The following PDE5A variants were observed in gnomAD, a reference collection of about 807,000 sequenced individuals.
The protein encoded by PDE5A is cGMP-specific 3',5'-cyclic phosphodiesterase.
PDE5A carries 67 observed loss-of-function variants against 110.2 expected under a neutral mutation model. The ratio of observed to expected loss-of-function variants is 0.61; its 90% CI spans 0.50 to 0.75. The LOEUF (loss-of-function observed/expected upper bound fraction) is 0.75. Among genes scored for constraint, PDE5A ranks in the 30% least tolerant of loss-of-function variants. PDE5A has a pLI of 0.00. For missense variants in PDE5A, 862 were observed against 1,045.1 expected, an observed-to-expected ratio of 0.82 and a Z score of 2.42; for synonymous variants, 328 against 351.2, an observed-to-expected ratio of 0.93 and a Z score of 0.74.
intron 1 of PDE5A, among the ~76,000 whole-genome samples, chr4:119,616,216 G>A (rs181913544): frequency 2.2e-3 from 341 of 152,236 alleles, no homozygotes; most frequent in African/African-American, 8.0e-3. Context: ...CACTAATGTC[G>A]ATATAACCTG....
intron 9 of PDE5A, among the ~76,000 whole-genome samples, chr4:119,544,406 G>A (rs918250729): frequency 2.0e-5 from 3 of 152,072 alleles, no homozygotes; most frequent in East Asian, 1.9e-4. Context: ...GGCAATCAGC[G>A]TTCATTATCT....
intron 17 of PDE5A, 137 bp downstream of exon 17, chr4:119,505,718 C>A: frequency 3.4e-6 from 2 of 591,514 alleles, no homozygotes; most frequent in East Asian, 3.3e-5. Context: ...TTGTACAACC[C>A]TCTGGAGAAA....
chr4:119,614,534 C>A (rs1729867905), intron 1 of PDE5A, among the ~76,000 whole-genome samples: 1 of 152,086 alleles, frequency 6.6e-6, no homozygotes, highest in East Asian at 1.9e-4. Flanking sequence ...TCAAATCGCT[C>A]ATTTTATCAT....
At chr4:119,510,182 T>G (rs909234501) in intron 15 of PDE5A, among the ~76,000 whole-genome samples, 4 of 151,960 alleles carry the variant, frequency 2.6e-5, no homozygotes, top group African/African-American at 9.7e-5. Context: ...CACATTTTTG[T>G]TTCTGAGTTG....
At position 119,497,948 on chromosome 4, in the gene PDE5A, G is replaced by A. The variant is rs542955909; in HGVS notation, c.*653C>T. The A allele has an allele frequency of 2.0e-5, 3 of 152,230 alleles. No individual in the cohort carries two copies. Among genetic ancestry groups the A allele is most frequent in the African/African-American group, 4.8e-5 (2 of 41,566 alleles). 9.4% of individuals were successfully genotyped at this position (152,230 alleles called of 1,614,324 possible). ...TTTTATGGGTAGCTTTCAGAAAAATGTACTGCACTGAAGTGACAAAGTTCT... is the reference window on the plus strand; with the variant it reads ...TTTTATGGGTAGCTTTCAGAAAAATATACTGCACTGAAGTGACAAAGTTCT... On this transcript the variant is annotated 3_prime_UTR_variant, in exon 21 of 21. Coordinates refer to ENST00000354960, the MANE Select transcript of PDE5A (RefSeq NM_001083.4).
chr4:119,603,506 TA>T (rs1174417544), intron 2 of PDE5A, among the ~76,000 whole-genome samples: 2 of 152,224 alleles, frequency 1.3e-5, no homozygotes, highest in African/African-American at 4.8e-5. Flanking sequence ...ATTTACCAAC[TA>T]ATCTTTTCAT....
At chr4:119,559,934 G>C (rs2110502828) in intron 7 of PDE5A, among the ~76,000 whole-genome samples, 1 of 152,218 alleles carries the variant, frequency 6.6e-6, no homozygotes, top group East Asian at 1.9e-4. Flanking sequence ...TTAAAGTCAG[G>C]TCTACCTTCT....
rs930080230 is a variant in PDE5A, at chr4:119,497,954, C to T, written c.*647G>A. 4.6e-5 allele frequency: 7 copies of T among 152,174 alleles called. No homozygotes were observed. The highest frequency in any genetic ancestry group is 1.7e-4 in the African/African-American group (7 of 41,452). 9.4% of individuals were successfully genotyped at this position (152,174 alleles called of 1,614,324 possible). On this transcript the variant is annotated 3_prime_UTR_variant, in exon 21 of 21. Transcript: ENST00000354960. ...GGGTAGCTTTCAGAAAAATGTACTG[C>T]ACTGAAGTGACAAAGTTCTGTCTTG... is the stretch of plus-strand genomic sequence containing the variant.
intron 2 of PDE5A, among the ~76,000 whole-genome samples, chr4:119,600,821 A>G (rs1729319097): frequency 6.6e-6 from 1 of 152,214 alleles, no homozygotes; most frequent in Non-Finnish European, 1.5e-5. Flanking sequence ...AAAGCTGGTC[A>G]ATAGGTTGTT....
intron 18 of PDE5A, among the ~76,000 whole-genome samples, chr4:119,503,017 A>G (rs12502423): frequency 5.3e-5 from 8 of 151,984 alleles, no homozygotes; most frequent in Admixed American, 3.9e-4. Context: ...CTATTCTCTT[A>G]CCTGGTTAGA....
chr4:119,577,426 A>T (rs1050408716), intron 3 of PDE5A, among the ~76,000 whole-genome samples: 42 of 152,340 alleles, frequency 2.8e-4, no homozygotes, highest in South Asian at 8.3e-4. Context: ...ACATTGATGC[A>T]AAAATCCTCA....
rs911194736 is a variant in PDE5A at position 119,610,934 on chromosome 4, G to A, written c.153-3637C>T. 2.0e-5 allele frequency among the ~76,000 whole-genome samples: 3 copies of A among 152,230 alleles called. No individual in the cohort carries two copies. The South Asian group carries it at 6.2e-4, about 32-fold the overall frequency. On this transcript the variant is annotated intron_variant, in intron 1 of 20. Transcript: ENST00000354960. ...ACACAGCAGCCACAGTAAATTTTCA[G>A]CAAAGTATGTCAACATCTTAGCTAC...
chr4:119,532,018 A>G (rs1316026722), intron 11 of PDE5A, among the ~76,000 whole-genome samples: 2 of 152,152 alleles, frequency 1.3e-5, no homozygotes, highest in Admixed American at 6.5e-5. Flanking sequence ...GCTGTTTTAT[A>G]TATTTAATCA....
In PDE5A at chr4:119,496,688, TA is replaced by T. The variant is rs1725086811; in HGVS notation, c.*1912del. ...ATTGCTATTCTTTATGCAATTTTTC[TA>T]TACTAAGGATTTATGTATGCATGCA... On this transcript the variant is annotated 3_prime_UTR_variant, in exon 21 of 21. Transcript: ENST00000354960. 6.6e-6 allele frequency: 1 copy of T among 152,574 alleles called. No homozygotes were observed. The highest frequency in any genetic ancestry group is 1.5e-5 in the Non-Finnish European group (1 of 67,996). 9.5% of individuals were successfully genotyped at this position (152,574 alleles called of 1,614,324 possible). A position where few individuals can be genotyped will look rare whatever the true frequency, so the allele number is the denominator to read the frequency against.
At chr4:119,600,410 C>T (rs1248664023) in intron 2 of PDE5A, among the ~76,000 whole-genome samples, 1 of 152,044 alleles carries the variant, frequency 6.6e-6, no homozygotes, top group Non-Finnish European at 1.5e-5. Context: ...GCTCTGTCTG[C>T]TAATATACCA....
At chr4:119,535,911 G>C (rs972536293) in intron 11 of PDE5A, among the ~76,000 whole-genome samples, 1 of 152,076 alleles carries the variant, frequency 6.6e-6, no homozygotes, top group Non-Finnish European at 1.5e-5. Context: ...GAGATAACCA[G>C]ACAAACGACA....
chr4:119,535,304 C>T (rs1422648502), intron 11 of PDE5A, among the ~76,000 whole-genome samples: 4 of 152,056 alleles, frequency 2.6e-5, no homozygotes, highest in Non-Finnish European at 4.4e-5. Flanking sequence ...TTCTATCTAA[C>T]CTAAGCTTTT....
intron 8 of PDE5A, 131 bp from the exon 9 acceptor site, chr4:119,552,768 A>G: frequency 2.2e-6 from 1 of 458,760 alleles, no homozygotes. Context: ...GAGCATTGGA[A>G]AGCAGAAAAT....
At chr4:119,604,464 G>A (rs1048295083) in intron 2 of PDE5A, among the ~76,000 whole-genome samples, 1 of 152,134 alleles carries the variant, frequency 6.6e-6, no homozygotes, top group African/African-American at 2.4e-5. Flanking sequence ...ACTTAAGACA[G>A]GAAGGGGATT....
Sources: allele counts gnomAD v4.1 joint callset (sites outside exome capture counted in the v4.1 genomes callset), GRCh38; gene constraint gnomAD v4.1.1; transcripts MANE v1.5; gene names NCBI Gene and HGNC (gene_info 2026-07-23, HGNC 2026-07-21).